Variants in PCDHGB3 observed in about 807,000 individuals in gnomAD.
The protein encoded by PCDHGB3 is protocadherin gamma subfamily B, 3.
A neutral mutation model predicts 59.2 loss-of-function variants in PCDHGB3; 40 were observed. The observed-to-expected ratio is 0.68, with a 90% confidence interval of 0.52 to 0.88. PCDHGB3 has a LOEUF of 0.88. PCDHGB3 is among the 40% of genes least tolerant of loss of function. The pLI is 0.00. For synonymous variants in PCDHGB3, 581 were observed against 503.6 expected (o/e 1.15, Z -2.06); for missense variants, 1,309 against 1,187.9 (o/e 1.10, Z -1.50).
intron 1 of PCDHGB3, chr5:141,421,355 G>C (rs1561793348): frequency 6.2e-7 from 1 of 1,613,990 alleles, no homozygotes. Flanking sequence ...ACCGAAAAGG[G>C]CTCCTTCGTG....
intron 1 of PCDHGB3, chr5:141,414,273 G>A: frequency 6.2e-7 from 1 of 1,613,418 alleles, no homozygotes; most frequent in Non-Finnish European, 8.5e-7. Flanking sequence ...ATTCACCTCT[G>A]GGAACAGTCG....
chr5:141,509,435 T>C (rs547082417), intron 3 of PCDHGB3, among the ~76,000 whole-genome samples: 1 of 152,214 alleles, frequency 6.6e-6, no homozygotes, highest in South Asian at 2.1e-4. Context: ...AAACTCTTGT[T>C]TCCTCCTCTC....
intron 3 of PCDHGB3, among the ~76,000 whole-genome samples, chr5:141,508,620 G>A (rs1017391751): frequency 2.0e-5 from 3 of 152,070 alleles, no homozygotes; most frequent in East Asian, 1.9e-4. Context: ...GACGTGGGTG[G>A]GCCGAGCTTC....
At chr5:141,435,516 C>T (rs2097767967) in intron 1 of PCDHGB3, among the ~76,000 whole-genome samples, 1 of 152,058 alleles carries the variant, frequency 6.6e-6, no homozygotes, top group Non-Finnish European at 1.5e-5. Context: ...CTAATGATGA[C>T]TTTGTGGAAT....
intron 1 of PCDHGB3, chr5:141,375,132 CA>C (rs1265573516): frequency 6.2e-7 from 1 of 1,613,834 alleles, no homozygotes; most frequent in Non-Finnish European, 8.5e-7. Context: ...GTGGTTGTTA[CA>C]TCTGGAAGCA....
chr5:141,497,831 C>T (rs1336808833), intron 2 of PCDHGB3, among the ~76,000 whole-genome samples: 1 of 152,162 alleles, frequency 6.6e-6, no homozygotes, highest in Non-Finnish European at 1.5e-5. Flanking sequence ...TGATCGCCCC[C>T]GGCCACAACA....
Position 141,454,981 on chromosome 5 carries a change from A to T in PCDHGB3, c.2416-39826A>T, listed in dbSNP as rs528657512. 9.9e-3 allele frequency among the ~76,000 whole-genome samples: 1,486 copies of T among 150,680 alleles called. 32 individuals carry two copies. Among genetic ancestry groups the T allele is most frequent in the African/African-American group, 0.034 (1,392 of 41,092 alleles). On this transcript the variant is annotated intron_variant, in intron 1 of 3. Coordinates refer to ENST00000576222, the MANE Select transcript of PCDHGB3 (RefSeq NM_018924.5). ...GGCCACCACGCCTGGCTAATTTTTTAAAAAATATTTTTAGTAGAGACGGGG... is the reference window on the plus strand; with the variant it reads ...GGCCACCACGCCTGGCTAATTTTTTTAAAAATATTTTTAGTAGAGACGGGG...
At position 141,410,285 on chromosome 5, in the gene PCDHGB3, G is replaced by T. The variant is rs746596172; in HGVS notation, c.2415+37476G>T. 7 of 1,614,010 alleles carry T rather than the reference G, an allele frequency of 4.3e-6. No homozygotes were observed. The Admixed American group carries it at 1.2e-4, about 27-fold the overall frequency. ...TGAACTGCAGTTTTACCTGGTGGTGGCCTTGGCCTTAATCTCAGTGCTCTT... is the reference window on the plus strand; with the variant it reads ...TGAACTGCAGTTTTACCTGGTGGTGTCCTTGGCCTTAATCTCAGTGCTCTT... On this transcript the variant is annotated intron_variant, in intron 1 of 3. Coordinates refer to ENST00000576222, the MANE Select transcript of PCDHGB3 (RefSeq NM_018924.5).
intron 1 of PCDHGB3, chr5:141,374,067 T>A: frequency 1.3e-6 from 2 of 1,500,346 alleles, no homozygotes; most frequent in Non-Finnish European, 1.8e-6. Context: ...CCCAGAGAAG[T>A]TCCTAATAAG....
chr5:141,392,865 G>A, intron 1 of PCDHGB3: 1 of 1,613,006 alleles, frequency 6.2e-7, no homozygotes, highest in Non-Finnish European at 8.5e-7. Flanking sequence ...CCTGCTGTGC[G>A]CGCTGCTGGG....
At chr5:141,380,579 G>A (rs892018372) in intron 1 of PCDHGB3, among the ~76,000 whole-genome samples, 1 of 152,134 alleles carries the variant, frequency 6.6e-6, no homozygotes, top group Non-Finnish European at 1.5e-5. Context: ...TATCTTGGCG[G>A]TCTAGTAAAG....
chr5:141,434,948 T>C (rs1486185815), intron 1 of PCDHGB3, among the ~76,000 whole-genome samples: 1 of 151,828 alleles, frequency 6.6e-6, no homozygotes, highest in East Asian at 1.9e-4. Flanking sequence ...ATATAATTTA[T>C]TAACAATTTA....
At chr5:141,385,921 T>C (rs1283836532) in intron 1 of PCDHGB3, 1 of 152,286 alleles carries the variant, frequency 6.6e-6, no homozygotes. Context: ...CTAAGATCTA[T>C]ATCAAAGACA....
chr5:141,428,446 T>C lies in PCDHGB3; in HGVS notation c.2415+55637T>C, dbSNP rs575475897. On this transcript the variant is annotated intron_variant, in intron 1 of 3. Coordinates refer to ENST00000576222, the MANE Select transcript of PCDHGB3 (RefSeq NM_018924.5). The stretch of plus-strand genomic sequence containing the variant: ...CTGTTCTAAGACTAGACCAGGGGTT[T>C]TTCCCAACTACAATGAGGGAACTTT... 4.2e-5 allele frequency: 16 copies of C among 378,218 alleles called. No homozygotes were observed. The East Asian group carries it at 8.8e-4, about 21-fold the overall frequency. 23.4% of individuals were successfully genotyped at this position (378,218 alleles called of 1,614,324 possible). A position where few individuals can be genotyped will look rare whatever the true frequency, so the allele number is the denominator to read the frequency against.
rs117064561 is a variant in PCDHGB3, at chr5:141,470,737, G to T, written c.2416-24070G>T. Among the ~76,000 whole-genome samples the T allele has an allele frequency of 1.9e-3, 295 of 152,132 alleles. 7 individuals carry two copies. In the East Asian group the frequency reaches 0.046, roughly 24 times the overall value. On this transcript the variant is annotated intron_variant, in intron 1 of 3. Coordinates refer to ENST00000576222, the MANE Select transcript of PCDHGB3 (RefSeq NM_018924.5). ...TTTTGAGTCAGGGTCTTGCTCTGTC[G>T]CCCTGGCTGGAGTGCAGTGGACTCA...
At chr5:141,404,170 G>T in intron 1 of PCDHGB3, 1 of 1,612,740 alleles carries the variant, frequency 6.2e-7, no homozygotes, top group Non-Finnish European at 8.5e-7. Flanking sequence ...GATTGTTGAC[G>T]GCCCAAATTC....
intron 1 of PCDHGB3, chr5:141,419,989 T>C (rs778087109): frequency 4.1e-5 from 66 of 1,613,962 alleles, no homozygotes; most frequent in Non-Finnish European, 5.2e-5. Context: ...TGATTCTAGC[T>C]ATTGCTCTAC....
intron 1 of PCDHGB3, chr5:141,422,231 T>A: frequency 3.2e-6 from 5 of 1,566,292 alleles, no homozygotes; most frequent in Non-Finnish European, 4.3e-6. Context: ...ACGACGATGT[T>A]GATCACTGTT....
Position 141,486,390 on chromosome 5 carries a change from C to G in PCDHGB3, c.2416-8417C>G. 6.2e-7 allele frequency: 1 copy of G among 1,614,138 alleles called. No individual in the cohort carries two copies. The highest frequency in any genetic ancestry group is 8.5e-7 in the Non-Finnish European group (1 of 1,179,996). Reference sequence around the variant, plus strand: ...AAGTCTGCCTTCAGGAACCAGTTCTCCCTGGTGACTGCTGGACCCTTGGAT... The same window carrying G: ...AAGTCTGCCTTCAGGAACCAGTTCTGCCTGGTGACTGCTGGACCCTTGGAT... On this transcript the variant is annotated intron_variant, in intron 1 of 3. Coordinates refer to ENST00000576222, the MANE Select transcript of PCDHGB3 (RefSeq NM_018924.5). This position sits in a 1 kb window ranked among gnomAD's most constrained non-coding sequence, Gnocchi z 5.0.
Sources: allele counts gnomAD v4.1 joint callset (sites outside exome capture counted in the v4.1 genomes callset), GRCh38; gene constraint gnomAD v4.1.1; non-coding constraint Gnocchi (gnomAD v3.1); transcripts MANE v1.5; gene names NCBI Gene and HGNC (gene_info 2026-07-23, HGNC 2026-07-21).